The following RBFOX1 variants were observed in gnomAD, a reference collection of about 807,000 sequenced individuals.
RBFOX1 encodes the protein RNA binding protein fox-1 homolog 1.
In RBFOX1, 8 loss-of-function variants were observed where a neutral mutation model predicts 57.7. That is an observed-to-expected ratio of 0.14 (90% CI 0.08 to 0.25). RBFOX1 has a LOEUF of 0.25. RBFOX1 is among the 10% of genes least tolerant of loss of function. The pLI is 1.00. For missense variants in RBFOX1, 611 were observed against 548.5 expected, an observed-to-expected ratio of 1.11 and a Z score of -1.14; for synonymous variants, 326 against 222.4, an observed-to-expected ratio of 1.47 and a Z score of -4.15.
chr16:7,647,917 G>C (rs574490387), intron 11 of RBFOX1, among the ~76,000 whole-genome samples: 87 of 152,236 alleles, frequency 5.7e-4, no homozygotes, highest in African/African-American at 1.5e-3. Context: ...CATGTAAGAG[G>C]TTCTCTTTCT....
Position 7,653,873 on chromosome 16 carries a change from G to A in RBFOX1, c.816G>A (p.Leu272=). Residue 272 remains leucine, a synonymous_variant, in exon 12 of 16, where the codon CTG becomes CTA. Coordinates refer to ENST00000550418, the MANE Select transcript of RBFOX1 (RefSeq NM_018723.4). The part of the protein sequence containing the change: ...TAAAAYRGAH[L]RGRGRTVYNT... Reference sequence around the variant, plus strand: ...CGGCCGCCTACCGAGGGGCGCACCTGCGAGGCCGCGGTCGCACCGTGTACA... The same window carrying A: ...CGGCCGCCTACCGAGGGGCGCACCTACGAGGCCGCGGTCGCACCGTGTACA... 6.2e-7 allele frequency: 1 copy of A among 1,603,614 alleles called. No individual in the cohort carries two copies. The highest frequency in any genetic ancestry group is 8.5e-7 in the Non-Finnish European group (1 of 1,179,092).
chr16:6,856,642 T>A (rs552411147), intron 3 of RBFOX1, among the ~76,000 whole-genome samples: 7 of 152,306 alleles, frequency 4.6e-5, no homozygotes, highest in African/African-American at 1.7e-4. Flanking sequence ...CCACCTCTTG[T>A]GCAGGAATAT....
chr16:5,982,218 G>C (rs896923376), intron 4 of RBFOX1, among the ~76,000 whole-genome samples: 1 of 152,080 alleles, frequency 6.6e-6, no homozygotes, highest in Non-Finnish European at 1.5e-5. Flanking sequence ...TTGCCGCCAA[G>C]TTGTTTCTGG....
intron 3 of RBFOX1, among the ~76,000 whole-genome samples, chr16:5,729,936 A>G (rs1454372249): frequency 3.3e-5 from 5 of 152,256 alleles, no homozygotes; most frequent in Admixed American, 3.3e-4. Flanking sequence ...TTGCTGCAGA[A>G]AGCTAGTGGG....
At chr16:6,295,155 C>A (rs7188476) in intron 1 of RBFOX1, among the ~76,000 whole-genome samples, 89,727 of 143,844 alleles carry the variant, frequency 0.62, 28,892 homozygotes, top group East Asian at 0.81. Flanking sequence ...GTCGGAGTCT[C>A]TCTCCATCGC....
rs186682752 is a variant in RBFOX1, at chr16:6,991,215, A to C, written c.-15-60842A>C. Among the ~76,000 whole-genome samples, 178 of 151,264 alleles carry C rather than the reference A, an allele frequency of 1.2e-3. 1 individual carries two copies. The highest frequency in any genetic ancestry group is 4.3e-3 in the African/African-American group (178 of 41,156). On this transcript the variant is annotated intron_variant, in intron 3 of 15. Coordinates refer to ENST00000550418, the MANE Select transcript of RBFOX1 (RefSeq NM_018723.4). ...AGTTACAGAATGAGGCAGGAGAATT[A>C]CTTGAGCCTGGGAGGCAGAGGTTGC...
chr16:6,892,357 C>A (rs1214016909), intron 3 of RBFOX1, among the ~76,000 whole-genome samples: 1 of 152,104 alleles, frequency 6.6e-6, no homozygotes. Flanking sequence ...TAAGGAGACT[C>A]AGAAAATATC....
intron 4 of RBFOX1, among the ~76,000 whole-genome samples, chr16:7,444,956 G>C (rs931201713): frequency 1.3e-5 from 2 of 152,020 alleles, no homozygotes; most frequent in Admixed American, 6.5e-5. Context: ...ATCATGGTGT[G>C]TCATATGAAG....
intron 4 of RBFOX1, among the ~76,000 whole-genome samples, chr16:7,259,910 T>A (rs1023927470): frequency 6.6e-6 from 1 of 152,192 alleles, no homozygotes; most frequent in Admixed American, 6.5e-5. Context: ...AATTCTGGGA[T>A]AAATGAATGC....
chr16:7,074,555 T>C (rs118116305), intron 4 of RBFOX1, among the ~76,000 whole-genome samples: 1,903 of 151,776 alleles, frequency 0.013, 20 homozygotes, highest in Non-Finnish European at 0.015. Flanking sequence ...TTGAAAAAAA[T>C]TGAAAAAAGC....
chr16:7,658,638 AT>A (rs2066918520), intron 12 of RBFOX1, among the ~76,000 whole-genome samples: 1 of 152,106 alleles, frequency 6.6e-6, no homozygotes, highest in Admixed American at 6.6e-5. Flanking sequence ...CTAAATCCCA[AT>A]CCCCTCCCTC....
chr16:6,976,976 CAT>C (rs1438281468), intron 3 of RBFOX1, among the ~76,000 whole-genome samples: 10 of 142,574 alleles, frequency 7.0e-5, no homozygotes, highest in East Asian at 4.1e-4. Flanking sequence ...TCCTATATCA[CAT>C]ATCATATATA....
chr16:5,884,559 A>C (rs2057850098), intron 4 of RBFOX1, among the ~76,000 whole-genome samples: 1 of 151,150 alleles, frequency 6.6e-6, no homozygotes. Context: ...AGTTCTGCCC[A>C]ATGGAAGGTG....
At chr16:6,138,711 C>G (rs989878783) in intron 1 of RBFOX1, among the ~76,000 whole-genome samples, 1 of 152,022 alleles carries the variant, frequency 6.6e-6, no homozygotes, top group Non-Finnish European at 1.5e-5. Context: ...ACTGAAAATA[C>G]AAAAAATTAG....
intron 1 of RBFOX1, among the ~76,000 whole-genome samples, chr16:5,279,489 T>C (rs555231818): frequency 7.2e-5 from 11 of 152,114 alleles, no homozygotes; most frequent in Admixed American, 7.2e-4. Flanking sequence ...CGTCCGTTTT[T>C]AAAAAAATTT....
At chr16:7,061,105 G>T (rs896030773) in intron 4 of RBFOX1, among the ~76,000 whole-genome samples, 1 of 152,022 alleles carries the variant, frequency 6.6e-6, no homozygotes, top group African/African-American at 2.4e-5. Flanking sequence ...CTTACATAAC[G>T]AATGGTCCCA....
intron 3 of RBFOX1, among the ~76,000 whole-genome samples, chr16:6,922,674 T>C (rs1335329397): frequency 2.6e-5 from 4 of 152,216 alleles, no homozygotes; most frequent in Admixed American, 2.0e-4. Flanking sequence ...GGAGTAAACT[T>C]AGGCCATGTT....
At chr16:7,560,242 C>G (rs1193423565) in intron 5 of RBFOX1, among the ~76,000 whole-genome samples, 1 of 152,180 alleles carries the variant, frequency 6.6e-6, no homozygotes, top group Non-Finnish European at 1.5e-5. Context: ...TCAAGAACCC[C>G]CTATGGGGGG....
At chr16:6,814,580 T>C (rs1016088568) in intron 3 of RBFOX1, among the ~76,000 whole-genome samples, 17 of 152,140 alleles carry the variant, frequency 1.1e-4, no homozygotes, top group African/African-American at 4.1e-4. Context: ...GCATGATAGA[T>C]GCGAATCACA....
Sources: allele counts gnomAD v4.1 joint callset (sites outside exome capture counted in the v4.1 genomes callset), GRCh38; gene constraint gnomAD v4.1.1; transcripts MANE v1.5; gene names NCBI Gene and HGNC (gene_info 2026-07-23, HGNC 2026-07-21).